MALAT1: variants seen among roughly 807,000 people sequenced by gnomAD.
The protein encoded by MALAT1 is hepcarcin.
exon 3 of MALAT1, chr11:65,502,504 TG>T: frequency 2.1e-6 from 1 of 484,548 alleles, no homozygotes; most frequent in South Asian, 1.5e-5. Context: ...TCAAAAATTT[TG>T]TAAATTGTTT....
At chr11:65,506,120 G>A (rs1466852251) in intron 3 of MALAT1, 6 of 400,088 alleles carry the variant, frequency 1.5e-5, no homozygotes, top group Non-Finnish European at 2.9e-5. Context: ...AGCAAAAGAT[G>A]CTGGTGGTTG....
intron 3 of MALAT1, chr11:65,505,017 C>A: frequency 1.9e-6 from 1 of 518,892 alleles, no homozygotes; most frequent in Middle Eastern, 3.2e-4. Context: ...ATGAGGAAAA[C>A]AGGTGAACAA....
At chr11:65,498,681 G>A (rs201052755) in intron 1 of MALAT1, 2 of 518,130 alleles carry the variant, frequency 3.9e-6, no homozygotes, top group East Asian at 5.5e-5. Context: ...TCCTTCAAAA[G>A]GTGGTAAACT....
chr11:65,500,071 T>C, exon 3 of MALAT1: 1 of 452,378 alleles, frequency 2.2e-6, no homozygotes, highest in Non-Finnish European at 4.4e-6. Context: ...AAGGTAAAGC[T>C]TGAGAAGATG....
At chr11:65,500,209 C>CT in exon 3 of MALAT1, 1 of 513,882 alleles carries the variant, frequency 1.9e-6, no homozygotes, top group South Asian at 1.4e-5. Context: ...AGGCAGAAGG[C>CT]TTTTGGAAGA....
At chr11:65,504,100 G>A (rs770610888) in intron 3 of MALAT1, 2 of 517,202 alleles carry the variant, frequency 3.9e-6, no homozygotes, top group African/African-American at 1.9e-5. Flanking sequence ...GGGAGGGGGT[G>A]CCTGTGGGGT....
At chr11:65,500,971 C>T (rs1854532771) in exon 3 of MALAT1, 1 of 512,262 alleles carries the variant, frequency 2.0e-6, no homozygotes, top group Non-Finnish European at 3.9e-6. Context: ...GGGCAGACTG[C>T]CAAGTCCTGG....
At chr11:65,506,293 A>G (rs750478300) in exon 4 of MALAT1, 3 of 464,274 alleles carry the variant, frequency 6.5e-6, no homozygotes, top group Non-Finnish European at 1.2e-5. Context: ...TTTGAACTAT[A>G]TACATCCTTG....
chr11:65,501,119 A>G (rs759899907), exon 3 of MALAT1: 1 of 513,894 alleles, frequency 1.9e-6, no homozygotes, highest in Non-Finnish European at 3.9e-6. Flanking sequence ...GTAATGAAGT[A>G]TTTCAGTTTT....
At chr11:65,497,823 C>T (rs758056523) in exon 1 of MALAT1, 16 of 511,698 alleles carry the variant, frequency 3.1e-5, no homozygotes, top group Non-Finnish European at 6.3e-5. Context: ...GCCATTTTAG[C>T]AACGCAGAAG....
chr11:65,503,633 C>T (rs1854605693), exon 3 of MALAT1: 1 of 511,586 alleles, frequency 2.0e-6, no homozygotes, highest in Admixed American at 2.0e-5. Context: ...AGAATGTATA[C>T]TTTTAGAAAG....
intron 1 of MALAT1, chr11:65,498,098 C>G (rs372703510): frequency 1.9e-6 from 1 of 518,818 alleles, no homozygotes; most frequent in South Asian, 1.4e-5. Flanking sequence ...AGGCATAACA[C>G]AGAATCTGCA....
chr11:65,499,173 G>A, exon 3 of MALAT1: 1 of 508,166 alleles, frequency 2.0e-6, no homozygotes, highest in Non-Finnish European at 3.9e-6. Context: ...ATAGTCAATA[G>A]GTTACTAAGA....
At chr11:65,499,414 TA>T (rs767074079) in exon 3 of MALAT1, 3 of 483,404 alleles carry the variant, frequency 6.2e-6, no homozygotes, top group Non-Finnish European at 1.2e-5. Flanking sequence ...GCTTTTAGAT[TA>T]AAATGAAGGT....
At chr11:65,498,409 G>A (rs374149643) in intron 1 of MALAT1, 9 of 518,580 alleles carry the variant, frequency 1.7e-5, no homozygotes, top group Middle Eastern at 3.2e-4. Flanking sequence ...GGCTCAGGCG[G>A]GGAGCAGCTC....
exon 3 of MALAT1, chr11:65,500,053 G>A: frequency 2.3e-6 from 1 of 440,872 alleles, no homozygotes; most frequent in Non-Finnish European, 4.5e-6. Context: ...TGGTGGTGCA[G>A]AAGTTAGAAG....
chr11:65,505,567 C>T (rs1184034620), intron 3 of MALAT1: 1 of 516,262 alleles, frequency 1.9e-6, no homozygotes, highest in Non-Finnish European at 3.9e-6. Flanking sequence ...ACATCGCCAC[C>T]CCGTGCCTTT....
At chr11:65,498,594 C>CT in intron 1 of MALAT1, 1 of 518,828 alleles carries the variant, frequency 1.9e-6, no homozygotes, top group Non-Finnish European at 3.8e-6. Context: ...CATTTTGCCA[C>CT]TTCTCAACCG....
rs764830760 is a variant in MALAT1, at chr11:65,500,807, T to A, written n.2070T>A. 1.9e-5 allele frequency: 10 copies of A among 518,696 alleles called. No individual in the cohort carries two copies. In the East Asian group the frequency reaches 2.2e-4, roughly 11 times the overall value. 32.1% of individuals were successfully genotyped at this position (518,696 alleles called of 1,614,324 possible). A position where few individuals can be genotyped will look rare whatever the true frequency, so the allele number is the denominator to read the frequency against. ...GGCAATATGTTGTTTTTCTGGAACTTACTTATGGTAACCTTTTATTTATTT... is the reference window on the plus strand; with the variant it reads ...GGCAATATGTTGTTTTTCTGGAACTAACTTATGGTAACCTTTTATTTATTT... On this transcript the variant is annotated non_coding_transcript_exon_variant, in exon 3 of 4. Transcript: ENST00000619449.
Sources: allele counts gnomAD v4.1 joint callset, GRCh38; gene constraint gnomAD v4.1.1; transcripts MANE v1.5; gene names NCBI Gene and HGNC (gene_info 2026-07-23, HGNC 2026-07-21).